Variants in CSMD1 observed in about 807,000 individuals in gnomAD.
CSMD1 encodes CUB and Sushi multiple domains 1.
Under a neutral mutation model 417.5 loss-of-function variants are expected in CSMD1, and 213 were observed. The observed-to-expected ratio is 0.51, with a 90% CI of 0.46 to 0.57. CSMD1 has a LOEUF of 0.57. CSMD1 is among the 20% of genes least tolerant of loss of function. The probability of loss-of-function intolerance (pLI) is 0.00; values close to 1 mark genes in which losing one functional copy is unlikely to be tolerated. For missense variants in CSMD1, 6,923 were observed against 4,529.7 expected (o/e 1.53, Z -15.17); for synonymous variants, 2,862 against 1,736.8 (o/e 1.65, Z -16.11).
chr8:3,285,308 G>C (rs188659745), intron 25 of CSMD1, among the ~76,000 whole-genome samples: 1 of 152,006 alleles, frequency 6.6e-6, no homozygotes, highest in Non-Finnish European at 1.5e-5. Context: ...AAATAATCAA[G>C]ATAAATCCTT....
At position 3,187,725 on chromosome 8, in the gene CSMD1, A is replaced by C. The variant is rs1304372790; in HGVS notation, c.5620+144T>G. The C allele has an allele frequency of 9.8e-6, 6 of 613,404 alleles. No homozygotes were observed. The East Asian group carries it at 1.4e-4, about 15-fold the overall frequency. The allele number at this position is 613,404 out of a possible 1,614,324, so 38.0% of individuals were successfully genotyped here. ...TGTTTCTTGATGGTCTTACTCTAAGACTTTCAGCACTAGAGCAACCATTAT... is the reference window on the plus strand; with the variant it reads ...TGTTTCTTGATGGTCTTACTCTAAGCCTTTCAGCACTAGAGCAACCATTAT... On this transcript the variant is annotated intron_variant, in intron 36 of 69. Transcript: ENST00000635120.
intron 7 of CSMD1, among the ~76,000 whole-genome samples, chr8:3,662,019 G>A (rs554881908): frequency 1.9e-4 from 29 of 152,262 alleles, no homozygotes; most frequent in African/African-American, 6.7e-4. Context: ...AAGAAGCGGG[G>A]GATTTTTACT....
chr8:4,939,002 C>G (rs1289768650), intron 1 of CSMD1, among the ~76,000 whole-genome samples: 1 of 152,076 alleles, frequency 6.6e-6, no homozygotes, highest in African/African-American at 2.4e-5. Context: ...TGTTTTCTTT[C>G]TATTGAGTCA....
chr8:3,240,112 T>TA (rs1799401915), intron 26 of CSMD1, among the ~76,000 whole-genome samples: 1 of 152,142 alleles, frequency 6.6e-6, no homozygotes, highest in Non-Finnish European at 1.5e-5. Flanking sequence ...ACTTGAGGGC[T>TA]AGGCAAAACA....
intron 3 of CSMD1, among the ~76,000 whole-genome samples, chr8:4,113,010 C>G (rs1801938456): frequency 2.0e-5 from 3 of 152,110 alleles, no homozygotes; most frequent in Admixed American, 2.0e-4. Flanking sequence ...TTATGGTAAT[C>G]AGTGGTCAAT....
chr8:4,191,441 A>G (rs1226835944), intron 3 of CSMD1, among the ~76,000 whole-genome samples: 2 of 152,004 alleles, frequency 1.3e-5, no homozygotes, highest in African/African-American at 2.4e-5. Flanking sequence ...AACACAAAAA[A>G]CAAACTAAAA....
At chr8:3,508,538 A>C (rs1310910186) in intron 10 of CSMD1, among the ~76,000 whole-genome samples, 1 of 152,184 alleles carries the variant, frequency 6.6e-6, no homozygotes, top group Non-Finnish European at 1.5e-5. Flanking sequence ...ATATTTTTTA[A>C]AGAAATACTA....
chr8:3,426,240 C>T (rs535569839), intron 12 of CSMD1, among the ~76,000 whole-genome samples: 1 of 152,320 alleles, frequency 6.6e-6, no homozygotes, highest in Admixed American at 6.5e-5. Flanking sequence ...ATACACACTA[C>T]TCCTAAACGT....
intron 5 of CSMD1, among the ~76,000 whole-genome samples, chr8:3,851,846 G>C (rs879542112): frequency 1.3e-5 from 2 of 152,156 alleles, no homozygotes; most frequent in African/African-American, 2.4e-5. Flanking sequence ...GGAGGGTCGG[G>C]TGGGAGCAGA....
intron 1 of CSMD1, among the ~76,000 whole-genome samples, chr8:4,766,098 TTAA>T (rs1247533424): frequency 2.0e-5 from 3 of 152,190 alleles, no homozygotes; most frequent in African/African-American, 4.8e-5. Context: ...GGTTATTACA[TTAA>T]TAATATTTTA....
intron 12 of CSMD1, among the ~76,000 whole-genome samples, chr8:3,432,396 C>A (rs1352510545): frequency 2.6e-5 from 4 of 151,774 alleles, no homozygotes; most frequent in Non-Finnish European, 5.9e-5. Context: ...TCCTGCTTAG[C>A]TTTTGCAGGT....
At chr8:4,712,823 T>C (rs898502553) in intron 1 of CSMD1, among the ~76,000 whole-genome samples, 8 of 152,220 alleles carry the variant, frequency 5.3e-5, no homozygotes, top group African/African-American at 1.2e-4. Flanking sequence ...CTGTACTATC[T>C]AAAGTTTCTA....
intron 2 of CSMD1, among the ~76,000 whole-genome samples, chr8:4,529,240 T>C (rs749641480): frequency 6.6e-6 from 1 of 152,320 alleles, no homozygotes; most frequent in African/African-American, 2.4e-5. Context: ...TGTCCCTTTC[T>C]TATTCTGTTC....
chr8:3,932,475 G>A (rs1217209285), intron 5 of CSMD1, among the ~76,000 whole-genome samples: 19 of 150,470 alleles, frequency 1.3e-4, no homozygotes, highest in Admixed American at 1.3e-3. Flanking sequence ...ACCTTGATAT[G>A]TAGGACCTTG....
At chr8:3,420,464 C>G in intron 12 of CSMD1, among the ~76,000 whole-genome samples, 1 of 148,992 alleles carries the variant, frequency 6.7e-6, no homozygotes, top group Middle Eastern at 3.5e-3. Flanking sequence ...TAAAATACGA[C>G]CTTCAGTTAA....
At chr8:4,405,596 G>C (rs1246480321) in intron 3 of CSMD1, among the ~76,000 whole-genome samples, 1 of 152,278 alleles carries the variant, frequency 6.6e-6, no homozygotes, top group Non-Finnish European at 1.5e-5. Flanking sequence ...GAGTTTGTTT[G>C]TTGACAATCA....
intron 2 of CSMD1, among the ~76,000 whole-genome samples, chr8:4,434,318 A>G (rs1386446285): frequency 2.0e-5 from 3 of 152,124 alleles, no homozygotes; most frequent in African/African-American, 7.2e-5. Context: ...GTGAGCTGAG[A>G]TTGCACCATT....
At chr8:4,979,328 T>G (rs867556189) in intron 1 of CSMD1, among the ~76,000 whole-genome samples, 6 of 152,182 alleles carry the variant, frequency 3.9e-5, no homozygotes, top group Admixed American at 3.3e-4. Flanking sequence ...CTTATGATAT[T>G]GAGCACAGTT....
chr8:4,277,816 C>T (rs1796570147), intron 3 of CSMD1, among the ~76,000 whole-genome samples: 1 of 152,264 alleles, frequency 6.6e-6, no homozygotes, highest in Admixed American at 6.5e-5. Context: ...CGTATAATCT[C>T]GGTTCACTGC....
Sources: allele counts gnomAD v4.1 joint callset (sites outside exome capture counted in the v4.1 genomes callset), GRCh38; gene constraint gnomAD v4.1.1; transcripts MANE v1.5; gene names NCBI Gene and HGNC (gene_info 2026-07-23, HGNC 2026-07-21).